IRAK3: variants seen among roughly 807,000 people sequenced by gnomAD.
IRAK3 encodes interleukin-1 receptor-associated kinase 3.
IRAK3 carries 57 observed loss-of-function variants against 56.6 expected under a neutral mutation model. The ratio of observed to expected loss-of-function variants is 1.01; its 90% CI spans 0.81 to 1.26. The LOEUF (loss-of-function observed/expected upper bound fraction) is 1.26, where lower values mean the gene tolerates loss of function less well. Ranked by LOEUF, IRAK3 falls within the 50% of genes most tolerant of loss-of-function variation. The pLI, the probability that IRAK3 is intolerant of heterozygous loss-of-function variation, is 0.00. For synonymous variants in IRAK3, 258 were observed against 255.7 expected, an observed-to-expected ratio of 1.01 and a Z score of -0.09; for missense variants, 703 against 719.0, an observed-to-expected ratio of 0.98 and a Z score of 0.25.
In IRAK3 at chr12:66,245,144, G is replaced by A; in HGVS notation, c.1196G>A (p.Cys399Tyr). The A allele has an allele frequency of 1.2e-6, 2 of 1,614,148 alleles. No homozygotes were observed. Among genetic ancestry groups the A allele is most frequent in the South Asian group, 2.2e-5 (2 of 91,080 alleles). The change falls in exon 11 of 12, where the codon TGT becomes TAT. Residue 399 changes from cysteine (C) to tyrosine (Y), a missense_variant. By Grantham distance (194) the Cys-to-Tyr change is radical. Transcript: ENST00000261233. ...ATGGAGAAGAGAGGCCTGGATTCAT[G>A]TCTCTCATTTCTAGATAAGAAAGTG... ...ELMEKRGLDS[C>Y]LSFLDKKVPP...
rs768117268 is a variant in IRAK3, at chr12:66,249,607, G to A, written c.*1436G>A. The A allele has an allele frequency of 1.3e-5, 2 of 152,260 alleles. No individual in the cohort carries two copies. The highest frequency in any genetic ancestry group is 2.4e-5 in the African/African-American group (1 of 41,444). The allele number at this position is 152,260 out of a possible 1,614,324, so 9.4% of individuals were successfully genotyped here. A position where few individuals can be genotyped will look rare whatever the true frequency, so the allele number is the denominator to read the frequency against. ...GTCAGAATTCCTTAGCATTCTTTCTGGAGGCTGTTGGGGAGAACTCACTGC... is the reference window on the plus strand; with the variant it reads ...GTCAGAATTCCTTAGCATTCTTTCTAGAGGCTGTTGGGGAGAACTCACTGC... On this transcript the variant is annotated 3_prime_UTR_variant, in exon 12 of 12. Coordinates refer to ENST00000261233, the MANE Select transcript of IRAK3 (RefSeq NM_007199.3).
At chr12:66,218,735 A>G (rs1369661848) in intron 6 of IRAK3, among the ~76,000 whole-genome samples, 2 of 152,222 alleles carry the variant, frequency 1.3e-5, no homozygotes, top group African/African-American at 4.8e-5. Flanking sequence ...TCAAATTAAT[A>G]CATCTATTAC....
Position 66,248,325 on chromosome 12 carries a change from C to A in IRAK3, c.*154C>A, listed in dbSNP as rs2053058952. 3.3e-6 allele frequency: 2 copies of A among 606,192 alleles called. No homozygotes were observed. The highest frequency in any genetic ancestry group is 2.9e-6 in the Non-Finnish European group (1 of 344,614). The allele number at this position is 606,192 out of a possible 1,614,324, so 37.6% of individuals were successfully genotyped here. On this transcript the variant is annotated 3_prime_UTR_variant, in exon 12 of 12. Transcript: ENST00000261233. ...ATAAACAATCTGGATAATTCCATTT[C>A]TTTTTTCCCAAACCCTCAAACAGAG...
intron 2 of IRAK3, among the ~76,000 whole-genome samples, chr12:66,208,785 T>A (rs1313856161): frequency 6.7e-6 from 1 of 150,210 alleles, no homozygotes; most frequent in East Asian, 2.0e-4. Context: ...AAAGGCCCAG[T>A]GTGGTGGGTG....
At position 66,211,530 on chromosome 12, in the gene IRAK3, G is replaced by A. The variant is rs1277113972; in HGVS notation, c.521G>A (p.Gly174Glu). 1 of 1,610,412 alleles carries A rather than the reference G, an allele frequency of 6.2e-7. No homozygotes were observed. Among genetic ancestry groups the A allele is most frequent in the Non-Finnish European group, 8.5e-7 (1 of 1,176,698 alleles). Residue 174 changes from glycine (G) to glutamate (E), a missense_variant, in exon 5 of 12, where the codon GGA (glycine) becomes GAA (glutamate). Physicochemically the swap from Gly to Glu is moderately conservative, Grantham distance 98. Coordinates refer to ENST00000261233, the MANE Select transcript of IRAK3 (RefSeq NM_007199.3). ...CACAAAGACTTCCTAATTGGAGAAG[G>A]AGAGATTTTTGAGGTATACAGAGTG... ...NFHKDFLIGEGEIFEVYRVEI... is the reference protein window; with the variant it reads ...NFHKDFLIGEEEIFEVYRVEI...
chr12:66,198,490 G>A (rs1440228003), intron 1 of IRAK3, among the ~76,000 whole-genome samples: 2 of 152,048 alleles, frequency 1.3e-5, no homozygotes, highest in African/African-American at 4.8e-5. Flanking sequence ...CACTTCTATT[G>A]CAAAGCTAGG....
intron 8 of IRAK3, among the ~76,000 whole-genome samples, chr12:66,238,335 C>G (rs1026717074): frequency 4.6e-5 from 7 of 152,182 alleles, no homozygotes; most frequent in Non-Finnish European, 7.3e-5. Flanking sequence ...AACTTGTTAG[C>G]AATCCTCCCA....
chr12:66,240,876 ATC>A (rs1041730999), intron 8 of IRAK3, among the ~76,000 whole-genome samples: 27 of 149,824 alleles, frequency 1.8e-4, no homozygotes, highest in African/African-American at 6.1e-4. Flanking sequence ...GGGTATATAT[ATC>A]TCTCTCTCTT....
rs2136956422 is a variant in IRAK3 at position 66,248,835 on chromosome 12, C to A, written c.*664C>A. The A allele has an allele frequency of 6.6e-6, 1 of 152,324 alleles. No individual in the cohort carries two copies. The highest frequency in any genetic ancestry group is 1.5e-5 in the Non-Finnish European group (1 of 68,046). 9.4% of individuals were successfully genotyped at this position (152,324 alleles called of 1,614,324 possible). A position where few individuals can be genotyped will look rare whatever the true frequency, so the allele number is the denominator to read the frequency against. On this transcript the variant is annotated 3_prime_UTR_variant, in exon 12 of 12. Coordinates refer to ENST00000261233, the MANE Select transcript of IRAK3 (RefSeq NM_007199.3). ...GACTATTATTACAGCTTTTTAAAAA[C>A]AGACTTAGTGACCTATTATATCTTA... is the stretch of plus-strand genomic sequence containing the variant.
chr12:66,250,868 AG>A lies in IRAK3; in HGVS notation c.*2698del, dbSNP rs1441567875. 2.6e-5 allele frequency: 4 copies of A among 152,242 alleles called. No individual in the cohort carries two copies. The highest frequency in any genetic ancestry group is 9.6e-5 in the African/African-American group (4 of 41,464). The allele number at this position is 152,242 out of a possible 1,614,324, so 9.4% of individuals were successfully genotyped here. On this transcript the variant is annotated 3_prime_UTR_variant, in exon 12 of 12. Coordinates refer to ENST00000261233, the MANE Select transcript of IRAK3 (RefSeq NM_007199.3). ...CTTCTGATGCAATAGGTCTGGGGTT[AG>A]AAATTTTGCTTTCTAATGAGTTCCC...
chr12:66,209,070 C>CAA (rs750939808), intron 2 of IRAK3, among the ~76,000 whole-genome samples: 6 of 54,512 alleles, frequency 1.1e-4, no homozygotes, highest in Non-Finnish European at 2.4e-4. Context: ...GAGTCCATCT[C>CAA]AAAAAAAAAA....
chr12:66,222,478 C>G (rs571096882), intron 6 of IRAK3, among the ~76,000 whole-genome samples: 151 of 151,954 alleles, frequency 9.9e-4, no homozygotes, highest in African/African-American at 3.5e-3. Context: ...TCATAATAGT[C>G]TCTTATGATC....
chr12:66,239,470 G>C (rs1201116014), intron 8 of IRAK3, among the ~76,000 whole-genome samples: 2 of 152,098 alleles, frequency 1.3e-5, no homozygotes, highest in African/African-American at 4.8e-5. Context: ...GAAGACCCAG[G>C]CTCCTCCTGC....
intron 6 of IRAK3, among the ~76,000 whole-genome samples, chr12:66,217,882 T>G (rs531794591): frequency 6.6e-6 from 1 of 152,192 alleles, no homozygotes; most frequent in Non-Finnish European, 1.5e-5. Context: ...GGCATTATAC[T>G]GAATCCATTT....
At chr12:66,205,537 T>C (rs1211532067) in intron 2 of IRAK3, among the ~76,000 whole-genome samples, 1 of 152,230 alleles carries the variant, frequency 6.6e-6, no homozygotes. Flanking sequence ...TGTGATGATT[T>C]GTTGGAAGCA....
At chr12:66,200,959 C>T (rs746099851) in intron 1 of IRAK3, among the ~76,000 whole-genome samples, 5 of 152,008 alleles carry the variant, frequency 3.3e-5, no homozygotes, top group South Asian at 2.1e-4. Flanking sequence ...TACAAGTGCA[C>T]GCCATCACAC....
At chr12:66,209,134 T>G (rs994973215) in intron 2 of IRAK3, among the ~76,000 whole-genome samples, 4 of 151,844 alleles carry the variant, frequency 2.6e-5, no homozygotes, top group Non-Finnish European at 2.9e-5. Context: ...TTAATATTTT[T>G]AATGTCTAAC....
intron 2 of IRAK3, among the ~76,000 whole-genome samples, chr12:66,208,812 C>T (rs2052583651): frequency 6.6e-6 from 1 of 151,798 alleles, no homozygotes; most frequent in Non-Finnish European, 1.5e-5. Context: ...GCCTGTAATC[C>T]CAGCACTTTG....
At chr12:66,223,586 G>A (rs972722010) in intron 6 of IRAK3, among the ~76,000 whole-genome samples, 2 of 150,504 alleles carry the variant, frequency 1.3e-5, no homozygotes, top group Admixed American at 6.6e-5. Flanking sequence ...GTGAACCCAG[G>A]AGGCAGAGCT....
Sources: allele counts gnomAD v4.1 joint callset (sites outside exome capture counted in the v4.1 genomes callset), GRCh38; gene constraint gnomAD v4.1.1; transcripts MANE v1.5; gene names NCBI Gene and HGNC (gene_info 2026-07-23, HGNC 2026-07-21).